EFCAB11: variants seen among roughly 807,000 people sequenced by gnomAD.
EFCAB11 encodes the protein EF-hand calcium binding domain 11, also known as EF-hand calcium-binding domain-containing protein 11.
Under a neutral mutation model 23.0 loss-of-function variants are expected in EFCAB11, and 14 were observed. The ratio of observed to expected loss-of-function variants is 0.61; its 90% CI spans 0.40 to 0.95. The LOEUF (loss-of-function observed/expected upper bound fraction) is 0.95. Ranked by LOEUF, EFCAB11 falls within the 40% of genes least tolerant of loss-of-function variation. EFCAB11 has a pLI of 0.00. For synonymous variants in EFCAB11, 65 were observed against 66.6 expected (o/e 0.98, Z 0.11); for missense variants, 198 against 195.8 (o/e 1.01, Z -0.07).
Position 89,846,705 on chromosome 14 carries a change from C to CGAGT in EFCAB11, c.411-49382_411-49381insACTC, listed in dbSNP as rs1457793574. Among the ~76,000 whole-genome samples the CGAGT allele has an allele frequency of 9.1e-4, 139 of 152,270 alleles. 3 individuals carry two copies. The South Asian group carries it at 0.028, about 31-fold the overall frequency. On this transcript the variant is annotated intron_variant, in intron 5 of 5. Transcript: ENST00000316738. ...CTTTGAGACTCCCAAGACCTTGGCC[C>CGAGT]CTCTACATTCTCTAAGTCTATGAAT...
intron 5 of EFCAB11, among the ~76,000 whole-genome samples, chr14:89,854,713 C>G (rs2140142915): frequency 6.6e-6 from 1 of 152,250 alleles, no homozygotes; most frequent in African/African-American, 2.4e-5. Context: ...ACACCTGCTC[C>G]TCCTCCCCTG....
intron 5 of EFCAB11, among the ~76,000 whole-genome samples, chr14:89,872,695 G>C (rs1490246464): frequency 6.6e-6 from 1 of 152,050 alleles, no homozygotes; most frequent in Non-Finnish European, 1.5e-5. Context: ...TTAGAGATAG[G>C]GTTGTTAAAG....
chr14:89,896,293 G>A (rs1889156163), intron 5 of EFCAB11, among the ~76,000 whole-genome samples: 3 of 150,084 alleles, frequency 2.0e-5, no homozygotes, highest in African/African-American at 7.3e-5. Context: ...AGGAGGCCGA[G>A]GCAGGAGAAC....
chr14:89,894,225 C>G (rs1421722184), intron 5 of EFCAB11, among the ~76,000 whole-genome samples: 3 of 152,036 alleles, frequency 2.0e-5, no homozygotes, highest in Admixed American at 2.0e-4. Flanking sequence ...GCTGGGATTA[C>G]AGGCGTGAGC....
chr14:89,879,897 G>A (rs911632411), intron 5 of EFCAB11, among the ~76,000 whole-genome samples: 37 of 152,150 alleles, frequency 2.4e-4, no homozygotes, highest in African/African-American at 8.9e-4. Flanking sequence ...GGATGTTACA[G>A]AAAACTTTTA....
At chr14:89,897,094 G>GA (rs915558245) in intron 5 of EFCAB11, among the ~76,000 whole-genome samples, 2 of 150,954 alleles carry the variant, frequency 1.3e-5, no homozygotes, top group African/African-American at 2.4e-5. Flanking sequence ...ACTATTGAGT[G>GA]AAAAAAAGCA....
chr14:89,881,466 T>TATATATATATATATATATATATATATATA (rs10524743), intron 5 of EFCAB11, among the ~76,000 whole-genome samples: 393 of 121,940 alleles, frequency 3.2e-3, no homozygotes, highest in Non-Finnish European at 4.4e-3. Flanking sequence ...TATATATATA[T>TATATATATATATATATATATATATATATA]TCTTTTTTTT....
intron 5 of EFCAB11, among the ~76,000 whole-genome samples, chr14:89,875,415 G>C (rs1480396091): frequency 6.6e-6 from 1 of 152,098 alleles, no homozygotes; most frequent in African/African-American, 2.4e-5. Context: ...AAACCATATA[G>C]CCACACAATT....
chr14:89,937,356 G>A (rs1890621863), intron 3 of EFCAB11, among the ~76,000 whole-genome samples: 2 of 152,156 alleles, frequency 1.3e-5, no homozygotes, highest in Admixed American at 1.3e-4. Flanking sequence ...CTTTGAATGT[G>A]TCCCCAAAGG....
At chr14:89,875,560 G>A (rs1888412340) in intron 5 of EFCAB11, among the ~76,000 whole-genome samples, 1 of 152,186 alleles carries the variant, frequency 6.6e-6, no homozygotes, top group Non-Finnish European at 1.5e-5. Context: ...AAGAAAAGAG[G>A]TTGATTTAGA....
intron 5 of EFCAB11, among the ~76,000 whole-genome samples, chr14:89,803,700 A>C (rs187923252): frequency 2.6e-5 from 4 of 152,296 alleles, no homozygotes; most frequent in Admixed American, 2.0e-4. Context: ...GTGAAAGTAA[A>C]AATTACCCTC....
At chr14:89,813,395 T>C (rs563985034) in intron 5 of EFCAB11, among the ~76,000 whole-genome samples, 19 of 152,318 alleles carry the variant, frequency 1.2e-4, no homozygotes, top group Admixed American at 3.3e-4. Context: ...GGCAAAATGA[T>C]TGAAAAGCAT....
chr14:89,803,869 G>A (rs977191974), intron 5 of EFCAB11, among the ~76,000 whole-genome samples: 3 of 152,194 alleles, frequency 2.0e-5, no homozygotes, highest in African/African-American at 7.2e-5. Flanking sequence ...GGGCTCTACA[G>A]CAATTCAGCT....
chr14:89,876,474 ATG>A (rs1350317970), intron 5 of EFCAB11, among the ~76,000 whole-genome samples: 1 of 152,168 alleles, frequency 6.6e-6, no homozygotes, highest in Non-Finnish European at 1.5e-5. Flanking sequence ...ATGATTATAT[ATG>A]TAAGATGTGT....
intron 1 of EFCAB11, 193 bp downstream of exon 1, chr14:89,954,393 G>A: frequency 6.5e-7 from 1 of 1,536,304 alleles, no homozygotes; most frequent in Non-Finnish European, 8.7e-7. Flanking sequence ...GATGGAACTT[G>A]GAGGTAGCCG....
At chr14:89,806,696 C>T (rs780594860) in intron 5 of EFCAB11, among the ~76,000 whole-genome samples, 49 of 152,182 alleles carry the variant, frequency 3.2e-4, no homozygotes, top group Non-Finnish European at 6.2e-4. Flanking sequence ...GAGCTCTCTG[C>T]TCAGCTAGGC....
chr14:89,800,650 A>G (rs1271014992), intron 5 of EFCAB11, among the ~76,000 whole-genome samples: 1 of 152,248 alleles, frequency 6.6e-6, no homozygotes, highest in Non-Finnish European at 1.5e-5. Context: ...AACTGCTTCT[A>G]GAAATGTAGG....
intron 5 of EFCAB11, among the ~76,000 whole-genome samples, chr14:89,901,773 GAATAT>G (rs1480603611): frequency 3.3e-5 from 5 of 152,186 alleles, no homozygotes; most frequent in Admixed American, 3.3e-4. Context: ...ACACAATACA[GAATAT>G]AATATGGGTT....
chr14:89,938,292 A>T (rs983559440), intron 3 of EFCAB11: 1 of 152,188 alleles, frequency 6.6e-6, no homozygotes, highest in African/African-American at 2.4e-5. Flanking sequence ...TCCAGGAGTT[A>T]AAAAAATGCT....
Sources: gnomAD v4.1 joint callset for allele counts (sites outside exome capture counted in the v4.1 genomes callset) on GRCh38, gnomAD v4.1.1 for gene constraint, MANE v1.5 for transcripts, NCBI Gene and HGNC (gene_info 2026-07-23, HGNC 2026-07-21) for gene names.